Variants in GALNTL6 observed in about 807,000 individuals in gnomAD.
GALNTL6 encodes polypeptide N-acetylgalactosaminyltransferase-like 6.
GALNTL6 carries 46 observed loss-of-function variants against 73.7 expected under a neutral mutation model. The ratio of observed to expected loss-of-function variants is 0.62; its 90% CI spans 0.49 to 0.80. The LOEUF (loss-of-function observed/expected upper bound fraction) is 0.80, where lower values mean the gene tolerates loss of function less well. Ranked by LOEUF, GALNTL6 falls within the 30% of genes least tolerant of loss-of-function variation. The pLI, the probability that GALNTL6 is intolerant of heterozygous loss-of-function variation, is 0.00. For missense variants in GALNTL6, 604 were observed against 755.0 expected (o/e 0.80, Z 2.34); for synonymous variants, 259 against 263.7 (o/e 0.98, Z 0.17).
chr4:172,099,853 G>A (rs557506326), intron 2 of GALNTL6, among the ~76,000 whole-genome samples: 2 of 152,126 alleles, frequency 1.3e-5, no homozygotes, highest in South Asian at 4.2e-4. Flanking sequence ...TCATTTTCTG[G>A]TCACTCTCTG....
In GALNTL6 at chr4:172,841,955, C is replaced by T. The variant is rs911296735; in HGVS notation, c.923+28232C>T. Among the ~76,000 whole-genome samples the T allele has an allele frequency of 2.6e-5, 4 of 152,156 alleles. No individual in the cohort carries two copies. The East Asian group carries it at 5.8e-4, about 22-fold the overall frequency. On this transcript the variant is annotated intron_variant, in intron 7 of 12. Coordinates refer to ENST00000506823, the MANE Select transcript of GALNTL6 (RefSeq NM_001034845.3). ...AATAACAGCTGCCATTCACTGAGCC[C>T]GTATCACATGCTGGCTCTGTTGTGA... is the stretch of plus-strand genomic sequence containing the variant.
chr4:172,865,474 C>A (rs936632624), intron 7 of GALNTL6, among the ~76,000 whole-genome samples: 2 of 152,110 alleles, frequency 1.3e-5, no homozygotes, highest in African/African-American at 4.8e-5. Context: ...AAAGCAAAAA[C>A]TTTAAATTAA....
intron 5 of GALNTL6, among the ~76,000 whole-genome samples, chr4:172,618,907 A>G (rs558839245): frequency 6.6e-6 from 1 of 152,032 alleles, no homozygotes; most frequent in East Asian, 1.9e-4. Flanking sequence ...TATTTTTAAT[A>G]AAGACGGGGT....
chr4:172,878,953 G>A (rs929739001), intron 7 of GALNTL6, among the ~76,000 whole-genome samples: 2 of 151,712 alleles, frequency 1.3e-5, no homozygotes, highest in African/African-American at 4.8e-5. Context: ...TCCAAATAAA[G>A]CTGGAGTGAC....
intron 5 of GALNTL6, among the ~76,000 whole-genome samples, chr4:172,754,860 A>G (rs1047930418): frequency 2.7e-5 from 4 of 149,290 alleles, no homozygotes; most frequent in Admixed American, 2.0e-4. Context: ...AAAAAAAAAG[A>G]AAATGAAAAC....
At chr4:172,930,605 A>G (rs935138039) in intron 8 of GALNTL6, among the ~76,000 whole-genome samples, 6 of 152,254 alleles carry the variant, frequency 3.9e-5, no homozygotes, top group African/African-American at 1.4e-4. Context: ...CAATATTTGT[A>G]ACAAAATTTT....
At chr4:172,340,742 G>A (rs533451369) in intron 4 of GALNTL6, among the ~76,000 whole-genome samples, 10 of 152,250 alleles carry the variant, frequency 6.6e-5, no homozygotes, top group Non-Finnish European at 1.0e-4. Context: ...GATAAAACCC[G>A]TCTAACTCTT....
intron 2 of GALNTL6, among the ~76,000 whole-genome samples, chr4:171,965,332 C>A (rs1424597587): frequency 6.6e-6 from 1 of 151,922 alleles, no homozygotes; most frequent in African/African-American, 2.4e-5. Context: ...TTTTATAATC[C>A]AGAATCCAGA....
chr4:171,832,502 G>C (rs1303782267), intron 2 of GALNTL6, among the ~76,000 whole-genome samples: 1 of 151,376 alleles, frequency 6.6e-6, no homozygotes, highest in Non-Finnish European at 1.5e-5. Flanking sequence ...TAGAGAGATA[G>C]ATAGATAGAT....
At chr4:172,231,167 A>T (rs974220602) in intron 3 of GALNTL6, among the ~76,000 whole-genome samples, 1 of 152,026 alleles carries the variant, frequency 6.6e-6, no homozygotes, top group African/African-American at 2.4e-5. Flanking sequence ...CTTTTCTAGT[A>T]CTTTTATTTT....
chr4:172,007,975 T>C (rs937125129), intron 2 of GALNTL6, among the ~76,000 whole-genome samples: 5 of 152,122 alleles, frequency 3.3e-5, no homozygotes, highest in African/African-American at 1.2e-4. Flanking sequence ...CTGAGGTTCT[T>C]TTTTCTGCTG....
intron 2 of GALNTL6, among the ~76,000 whole-genome samples, chr4:172,215,805 G>A (rs1445432392): frequency 6.6e-6 from 1 of 152,024 alleles, no homozygotes; most frequent in African/African-American, 2.4e-5. Flanking sequence ...TTTCTGCCTT[G>A]TGTAGTTTTA....
At chr4:172,674,579 C>T (rs112299118) in intron 5 of GALNTL6, among the ~76,000 whole-genome samples, 2,037 of 152,234 alleles carry the variant, frequency 0.013, 43 homozygotes, top group African/African-American at 0.046. Flanking sequence ...GTTCCATTCT[C>T]CCCATCCTTT....
intron 5 of GALNTL6, among the ~76,000 whole-genome samples, chr4:172,398,917 G>T (rs549392407): frequency 1.1e-4 from 16 of 151,782 alleles, no homozygotes; most frequent in African/African-American, 3.9e-4. Flanking sequence ...ACACTGAAAA[G>T]GTTATGGTGC....
rs62331132 is a variant in GALNTL6, at chr4:172,212,646, C to A, written c.139-17010C>A. On this transcript the variant is annotated intron_variant, in intron 2 of 12. Transcript: ENST00000506823. Reference sequence around the variant, plus strand: ...TCCCTGCCCCTTCATGAACCCCTGGCAACCACTGCTCTTATATTTTTATTT... The same window carrying A: ...TCCCTGCCCCTTCATGAACCCCTGGAAACCACTGCTCTTATATTTTTATTT... Among the ~76,000 whole-genome samples the A allele has an allele frequency of 1.6e-3, 250 of 152,122 alleles. 2 individuals are homozygous for A. The highest frequency in any genetic ancestry group is 3.5e-3 in the Admixed American group (54 of 15,260).
At chr4:172,161,015 G>A (rs932711344) in intron 2 of GALNTL6, among the ~76,000 whole-genome samples, 1 of 151,700 alleles carries the variant, frequency 6.6e-6, no homozygotes, top group African/African-American at 2.4e-5. Flanking sequence ...ATGTTTAAAT[G>A]CAGGTGAAAG....
intron 3 of GALNTL6, among the ~76,000 whole-genome samples, chr4:172,284,324 C>A (rs912142080): frequency 6.6e-6 from 1 of 152,098 alleles, no homozygotes; most frequent in African/African-American, 2.4e-5. Flanking sequence ...TCAATTTTGT[C>A]ACATGGGCAT....
chr4:171,857,196 T>A (rs953010106), intron 2 of GALNTL6, among the ~76,000 whole-genome samples: 1 of 152,166 alleles, frequency 6.6e-6, no homozygotes, highest in Non-Finnish European at 1.5e-5. Flanking sequence ...AGTGCCTTGA[T>A]TTTTTAAAAT....
chr4:172,780,236 A>G (rs555505962), intron 5 of GALNTL6, among the ~76,000 whole-genome samples: 171 of 152,256 alleles, frequency 1.1e-3, no homozygotes, highest in African/African-American at 3.9e-3. Flanking sequence ...ATTCATTCTT[A>G]GAGGTTGTCA....
Sources: allele counts gnomAD v4.1 joint callset (sites outside exome capture counted in the v4.1 genomes callset), GRCh38; gene constraint gnomAD v4.1.1; transcripts MANE v1.5; gene names NCBI Gene and HGNC (gene_info 2026-07-23, HGNC 2026-07-21).